Variants in RBFOX1 observed in about 807,000 individuals in gnomAD.
RBFOX1 encodes the protein RNA binding protein fox-1 homolog 1.
RBFOX1 carries 8 observed loss-of-function variants against 57.7 expected under a neutral mutation model. That is an observed-to-expected ratio of 0.14 (90% CI 0.08 to 0.25). The LOEUF (loss-of-function observed/expected upper bound fraction) is 0.25, where lower values mean the gene tolerates loss of function less well. Ranked by LOEUF, RBFOX1 falls within the 10% of genes least tolerant of loss-of-function variation. The probability of loss-of-function intolerance (pLI) is 1.00; values close to 1 mark genes in which losing one functional copy is unlikely to be tolerated. For synonymous variants in RBFOX1, 326 were observed against 222.4 expected, an observed-to-expected ratio of 1.47 and a Z score of -4.15; for missense variants, 611 against 548.5, an observed-to-expected ratio of 1.11 and a Z score of -1.14.
chr16:6,302,389 C>T (rs1483247934), intron 1 of RBFOX1, among the ~76,000 whole-genome samples: 1 of 152,064 alleles, frequency 6.6e-6, no homozygotes, highest in African/African-American at 2.4e-5. Context: ...CTTGGTTGTT[C>T]TTTGCTGAAC....
At chr16:6,905,557 A>AC (rs1414745361) in intron 3 of RBFOX1, among the ~76,000 whole-genome samples, 3 of 151,708 alleles carry the variant, frequency 2.0e-5, no homozygotes, top group African/African-American at 7.3e-5. Flanking sequence ...CATCTCAAAA[A>AC]AAAAAAAAAG....
chr16:7,006,400 G>T (rs369554895), intron 3 of RBFOX1, among the ~76,000 whole-genome samples: 1 of 151,996 alleles, frequency 6.6e-6, no homozygotes, highest in Non-Finnish European at 1.5e-5. Context: ...TGATCCACCC[G>T]CTTTGGCCTC....
intron 4 of RBFOX1, among the ~76,000 whole-genome samples, chr16:5,966,021 A>G (rs542352213): frequency 2.8e-4 from 42 of 152,300 alleles, no homozygotes; most frequent in South Asian, 2.3e-3. Context: ...TTCATACTTC[A>G]TGCAGCAGGT....
At chr16:7,312,500 A>T (rs1453516097) in intron 4 of RBFOX1, among the ~76,000 whole-genome samples, 1 of 152,216 alleles carries the variant, frequency 6.6e-6, no homozygotes, top group Non-Finnish European at 1.5e-5. Flanking sequence ...AACATGATTA[A>T]TACACCCATG....
At chr16:6,562,430 C>T (rs2097190676) in intron 2 of RBFOX1, among the ~76,000 whole-genome samples, 2 of 152,210 alleles carry the variant, frequency 1.3e-5, no homozygotes, top group Non-Finnish European at 2.9e-5. Context: ...GCATCATCAA[C>T]TTTTGTCTAT....
At chr16:6,714,672 T>C (rs1350830593) in intron 3 of RBFOX1, among the ~76,000 whole-genome samples, 3 of 152,058 alleles carry the variant, frequency 2.0e-5, no homozygotes, top group African/African-American at 7.2e-5. Context: ...ACTGATATCA[T>C]AAAGGTGTAG....
intron 2 of RBFOX1, among the ~76,000 whole-genome samples, chr16:6,647,516 G>A (rs1032982593): frequency 2.0e-5 from 3 of 152,134 alleles, no homozygotes; most frequent in Non-Finnish European, 4.4e-5. Flanking sequence ...CCAAAGTGAT[G>A]GGATTATAGG....
At chr16:5,283,772 C>T (rs2063328058) in intron 1 of RBFOX1, among the ~76,000 whole-genome samples, 1 of 152,178 alleles carries the variant, frequency 6.6e-6, no homozygotes, top group Non-Finnish European at 1.5e-5. Flanking sequence ...TTTGATTTTA[C>T]ATGCTCATAG....
At chr16:5,626,263 T>A (rs910507411) in intron 3 of RBFOX1, among the ~76,000 whole-genome samples, 1 of 152,132 alleles carries the variant, frequency 6.6e-6, no homozygotes, top group Non-Finnish European at 1.5e-5. Flanking sequence ...GAGATCAAGG[T>A]GTTGGCAGGG....
At chr16:5,427,681 C>T (rs765967574) in intron 1 of RBFOX1, among the ~76,000 whole-genome samples, 83 of 152,236 alleles carry the variant, frequency 5.5e-4, no homozygotes, top group Non-Finnish European at 1.0e-3. Flanking sequence ...GACAAGGTTA[C>T]GATTCAAGCT....
At chr16:6,791,996 C>G (rs182571588) in intron 3 of RBFOX1, among the ~76,000 whole-genome samples, 1 of 152,164 alleles carries the variant, frequency 6.6e-6, no homozygotes, top group Non-Finnish European at 1.5e-5. Context: ...TGACTTTGAA[C>G]TCTGGAGTTC....
intron 3 of RBFOX1, among the ~76,000 whole-genome samples, chr16:5,808,247 C>T (rs1227615500): frequency 6.6e-6 from 1 of 152,166 alleles, no homozygotes; most frequent in African/African-American, 2.4e-5. Flanking sequence ...AGGAATATTT[C>T]TGAGGGCTGT....
chr16:6,971,528 A>G (rs1409340724), intron 3 of RBFOX1, among the ~76,000 whole-genome samples: 1 of 141,322 alleles, frequency 7.1e-6, no homozygotes, highest in African/African-American at 2.5e-5. Context: ...GTGTGTGTGT[A>G]CCACTGGAGA....
intron 4 of RBFOX1, among the ~76,000 whole-genome samples, chr16:7,359,168 C>T (rs1190970729): frequency 1.3e-5 from 2 of 152,138 alleles, no homozygotes; most frequent in African/African-American, 2.4e-5. Context: ...TGCTGTGTGA[C>T]CTTTGGCATG....
chr16:7,337,831 C>T (rs188404900), intron 4 of RBFOX1, among the ~76,000 whole-genome samples: 4 of 152,188 alleles, frequency 2.6e-5, no homozygotes, highest in Admixed American at 1.3e-4. Context: ...ATTACAGGCA[C>T]GTGCCACCAC....
chr16:5,801,588 G>A (rs2055058449), intron 3 of RBFOX1, among the ~76,000 whole-genome samples: 1 of 151,986 alleles, frequency 6.6e-6, no homozygotes, highest in Non-Finnish European at 1.5e-5. Context: ...GGTTACTTTG[G>A]GGAATGAGGT....
intron 1 of RBFOX1, among the ~76,000 whole-genome samples, chr16:5,272,448 AG>A (rs2063036327): frequency 1.3e-5 from 2 of 152,200 alleles, no homozygotes; most frequent in South Asian, 4.1e-4. Context: ...AGGCCCACAG[AG>A]TCCTTGGTCC....
chr16:6,801,532 C>G (rs559385454), intron 3 of RBFOX1, among the ~76,000 whole-genome samples: 49 of 152,130 alleles, frequency 3.2e-4, no homozygotes, highest in African/African-American at 1.1e-3. Context: ...AAGCAAAAGT[C>G]AGGGCCCTTG....
At chr16:6,830,967 A>G (rs2092665358) in intron 3 of RBFOX1, among the ~76,000 whole-genome samples, 1 of 152,216 alleles carries the variant, frequency 6.6e-6, no homozygotes, top group Non-Finnish European at 1.5e-5. Flanking sequence ...TAATTGCGAT[A>G]TGTAAAGTTC....
Sources: allele counts gnomAD v4.1 joint callset (sites outside exome capture counted in the v4.1 genomes callset), GRCh38; gene constraint gnomAD v4.1.1; transcripts MANE v1.5; gene names NCBI Gene and HGNC (gene_info 2026-07-23, HGNC 2026-07-21).